ZGRF1: variants seen among roughly 807,000 people sequenced by gnomAD.
ZGRF1 encodes 5'-3' DNA helicase ZGRF1.
Under a neutral mutation model 203.5 loss-of-function variants are expected in ZGRF1, and 196 were observed. That is an observed-to-expected ratio of 0.96 (90% CI 0.86 to 1.08). ZGRF1 has a LOEUF of 1.08. Ranked by LOEUF, ZGRF1 falls within the 50% of genes least tolerant of loss-of-function variation. The pLI, the probability that ZGRF1 is intolerant of heterozygous loss-of-function variation, is 0.00. For missense variants in ZGRF1, 2,326 were observed against 2,416.3 expected, an observed-to-expected ratio of 0.96 and a Z score of 0.78; for synonymous variants, 809 against 841.3, an observed-to-expected ratio of 0.96 and a Z score of 0.66.
intron 24 of ZGRF1, among the ~76,000 whole-genome samples, chr4:112,546,491 T>A (rs190821398): frequency 1.3e-5 from 2 of 152,246 alleles, no homozygotes; most frequent in Non-Finnish European, 2.9e-5. Context: ...ATGGTTTGAA[T>A]GTGTCCCTCA....
chr4:112,616,070 A>G lies in ZGRF1; in HGVS notation c.2602+1370T>C, dbSNP rs1307992692. ...ATCACATGAGATACTCAAAAGTTCA[A>G]TTTTACCTTTTGATTTGTGAACTTT... On this transcript the variant is annotated intron_variant, in intron 6 of 27. Coordinates refer to ENST00000505019, the MANE Select transcript of ZGRF1 (RefSeq NM_018392.5). Among the ~76,000 whole-genome samples, 12 of 152,344 alleles carry G rather than the reference A, an allele frequency of 7.9e-5. No homozygotes were observed. In the South Asian group the frequency reaches 1.9e-3, roughly 24 times the overall value.
chr4:112,606,116 T>C (rs529252044), intron 8 of ZGRF1, 25 bp from the exon 9 acceptor site: 4 of 1,343,574 alleles, frequency 3.0e-6, no homozygotes, highest in East Asian at 4.6e-5. Flanking sequence ...GAATAAGTTA[T>C]CTAGTTAGCT....
chr4:112,604,715 C>A (rs1428453981), intron 9 of ZGRF1, among the ~76,000 whole-genome samples: 1 of 152,146 alleles, frequency 6.6e-6, no homozygotes, highest in Non-Finnish European at 1.5e-5. Context: ...AGTGTGATTC[C>A]AATGTAGACA....
chr4:112,603,663 G>A lies in ZGRF1; in HGVS notation c.2837C>T (p.Ser946Leu). The A allele has an allele frequency of 6.2e-7, 1 of 1,613,762 alleles. No homozygotes were observed. Among genetic ancestry groups the A allele is most frequent in the Non-Finnish European group, 8.5e-7 (1 of 1,179,864 alleles). Reference sequence around the variant, plus strand: ...TCTGACCATTACACCACTAGTAGCTGATCCTTTTACTTGATGTCCTTGAAA... The same window carrying A: ...TCTGACCATTACACCACTAGTAGCTAATCCTTTTACTTGATGTCCTTGAAA... ...VEFQGHQVKG[S>L]ATSGVMVRGH... The change falls in exon 10 of 28, where the codon TCA (serine) becomes TTA (leucine). Residue 946 changes from serine (S) to leucine (L), a missense_variant. Transcript: ENST00000505019.
intron 20 of ZGRF1, among the ~76,000 whole-genome samples, 175 bp from the exon 21 acceptor site, chr4:112,554,957 A>C (rs1049948719): frequency 4.6e-5 from 7 of 152,226 alleles, no homozygotes; most frequent in Admixed American, 4.6e-4. Context: ...TTTTAAATAT[A>C]ATGCATTTTC....
intron 18 of ZGRF1, 133 bp from the exon 19 acceptor site, chr4:112,561,128 T>C (rs1741896278): frequency 2.9e-6 from 2 of 697,384 alleles, no homozygotes; most frequent in Admixed American, 5.1e-5. Flanking sequence ...AAACAGTAAG[T>C]GGATATATAC....
rs887501019 is a variant in ZGRF1 at position 112,587,469 on chromosome 4, A to C, written c.3588T>G (p.Ser1196=). Residue 1196 remains serine (S), a synonymous_variant, in exon 12 of 28, where the codon TCT becomes TCG. Coordinates refer to ENST00000505019, the MANE Select transcript of ZGRF1 (RefSeq NM_018392.5). ...TCATTTGCAAATGCACAGAGTCTAAAGAGCTTTCATTGACAGCATCACTCT... is the reference window on the plus strand; with the variant it reads ...TCATTTGCAAATGCACAGAGTCTAACGAGCTTTCATTGACAGCATCACTCT... The part of the protein sequence containing the change: ...ERQSDAVNES[S]LDSVHLQMIK... 6.2e-7 allele frequency: 1 copy of C among 1,613,848 alleles called. No individual in the cohort carries two copies. Among genetic ancestry groups the C allele is most frequent in the Non-Finnish European group, 8.5e-7 (1 of 1,179,870 alleles).
chr4:112,612,578 T>C lies in ZGRF1; in HGVS notation c.2613A>G (p.Pro871=). The part of the protein sequence containing the change: ...EPDSPPEVRK[P]FITVVSPKSP... ...ACTTTGGTGAAACTACTGTAATAAA[T>C]GGTTTCCTCACTGTAATGGAGAAAA... Residue 871 remains proline (P), a synonymous_variant, in exon 7 of 28, where the codon CCA becomes CCG. Transcript: ENST00000505019. 1.3e-6 allele frequency: 2 copies of C among 1,599,646 alleles called. No homozygotes were observed. The highest frequency in any genetic ancestry group is 1.7e-5 in the Admixed American group (1 of 59,868).
chr4:112,597,821 T>A (rs1169494017), intron 10 of ZGRF1, among the ~76,000 whole-genome samples: 1 of 150,448 alleles, frequency 6.6e-6, no homozygotes, highest in Non-Finnish European at 1.5e-5. Flanking sequence ...GAGACAGAGG[T>A]TGCAGTGAGC....
chr4:112,585,724 T>C lies in ZGRF1; in HGVS notation c.3918A>G (p.Glu1306=). 1.3e-6 allele frequency: 2 copies of C among 1,494,734 alleles called. No homozygotes were observed. Among genetic ancestry groups the C allele is most frequent in the Non-Finnish European group, 8.9e-7 (1 of 1,127,976 alleles). 92.6% of individuals were successfully genotyped at this position (1,494,734 alleles called of 1,614,324 possible). Residue 1306 remains glutamate (E), a splice_region_variant and synonymous_variant, in exon 14 of 28, where the codon GAA becomes GAG. Transcript: ENST00000505019. ...YKQTFTSCLI[E]HLNILLFGLA... is the part of the protein sequence containing the mutation. ...ACCCAAACAGCAATATATTTAGATGTTCTACAAAAAAAAAAAAAAGAGAGC... is the reference window on the plus strand; with the variant it reads ...ACCCAAACAGCAATATATTTAGATGCTCTACAAAAAAAAAAAAAAGAGAGC...
chr4:112,627,884 A>G (rs2047288087), intron 3 of ZGRF1, among the ~76,000 whole-genome samples: 2 of 152,192 alleles, frequency 1.3e-5, no homozygotes, highest in Admixed American at 6.5e-5. Flanking sequence ...ATCATTTCCC[A>G]ATATGGGGCC....
At chr4:112,547,566 G>C (rs1176441634) in intron 23 of ZGRF1, among the ~76,000 whole-genome samples, 158 bp from the exon 24 acceptor site, 1 of 152,174 alleles carries the variant, frequency 6.6e-6, no homozygotes, top group Non-Finnish European at 1.5e-5. Flanking sequence ...CGCATTAAAG[G>C]CTTTGAAAAG....
chr4:112,595,707 T>C (rs1340376145), intron 10 of ZGRF1, among the ~76,000 whole-genome samples: 1 of 152,168 alleles, frequency 6.6e-6, no homozygotes, highest in Non-Finnish European at 1.5e-5. Flanking sequence ...TGGAGATCCA[T>C]TTCAAAACAA....
intron 6 of ZGRF1, among the ~76,000 whole-genome samples, chr4:112,614,826 C>CA (rs111283881): frequency 0.047 from 6,703 of 141,144 alleles, 252 homozygotes; most frequent in East Asian, 0.2. Context: ...GACTCTGTGT[C>CA]AAAAAAAAAA....
intron 24 of ZGRF1, among the ~76,000 whole-genome samples, chr4:112,543,744 G>A (rs578250960): frequency 6.6e-6 from 1 of 152,310 alleles, no homozygotes; most frequent in South Asian, 2.1e-4. Context: ...TGGGGGACAG[G>A]AGGAGAAGTC....
chr4:112,562,290 C>A (rs6838559), intron 18 of ZGRF1, 81 bp downstream of exon 18: 323,677 of 750,458 alleles, frequency 0.43, 71,034 homozygotes, highest in Admixed American at 0.53. Context: ...CATTTATATA[C>A]TGTACTTTTA....
At chr4:112,622,507 G>A (rs1199159726) in intron 4 of ZGRF1, among the ~76,000 whole-genome samples, 2 of 141,248 alleles carry the variant, frequency 1.4e-5, no homozygotes, top group African/African-American at 5.2e-5. Context: ...GCAACAGAGG[G>A]AGACTCCATC....
At chr4:112,558,407 AC>A in intron 19 of ZGRF1, 98 bp from the exon 20 acceptor site, 1 of 1,036,428 alleles carries the variant, frequency 9.6e-7, no homozygotes, top group Non-Finnish European at 1.3e-6. Flanking sequence ...TCACTCTGTC[AC>A]CCAGGCTGGA....
chr4:112,619,069 TTTTA>T lies in ZGRF1; in HGVS notation c.969_972del (p.Asn323LysfsTer20). 1 of 1,613,986 alleles carries T rather than the reference TTTTA, an allele frequency of 6.2e-7. No individual in the cohort carries two copies. The highest frequency in any genetic ancestry group is 8.5e-7 in the Non-Finnish European group (1 of 1,179,948). ...GAGGATAAATACATGGCCCACCGGC[TTTTA>T]TTTCTCATGGTATTTTCTGATTGAT... On this transcript the variant is annotated frameshift_variant, in exon 6 of 28. Coordinates refer to ENST00000505019, the MANE Select transcript of ZGRF1 (RefSeq NM_018392.5). LOFTEE classifies it high-confidence loss of function.
Sources: gnomAD v4.1 joint callset for allele counts (sites outside exome capture counted in the v4.1 genomes callset) on GRCh38, gnomAD v4.1.1 for gene constraint, MANE v1.5 for transcripts, NCBI Gene and HGNC (gene_info 2026-07-23, HGNC 2026-07-21) for gene names.